Variants in CEP128 observed in about 807,000 individuals in gnomAD.
CEP128 encodes the protein centrosomal protein 128.
A neutral mutation model predicts 156.7 loss-of-function variants in CEP128; 132 were observed. The ratio of observed to expected loss-of-function variants is 0.84; its 90% confidence interval spans 0.73 to 0.97. The LOEUF (loss-of-function observed/expected upper bound fraction) is 0.97. Ranked by LOEUF, CEP128 falls within the 50% of genes least tolerant of loss-of-function variation. The probability of loss-of-function intolerance (pLI) is 0.00; values close to 1 mark genes in which losing one functional copy is unlikely to be tolerated. For missense variants in CEP128, 1,252 were observed against 1,281.9 expected, an observed-to-expected ratio of 0.98 and a Z score of 0.36; for synonymous variants, 469 against 448.9, an observed-to-expected ratio of 1.04 and a Z score of -0.57.
At chr14:80,645,490 G>T (rs1894595366) in intron 19 of CEP128, among the ~76,000 whole-genome samples, 1 of 152,024 alleles carries the variant, frequency 6.6e-6, no homozygotes, top group Admixed American at 6.6e-5. Flanking sequence ...AATGTGTTAT[G>T]ACAATATTAT....
In CEP128 at chr14:80,649,162, G is replaced by A. The variant is rs546488601; in HGVS notation, c.2807-68739C>T. On this transcript the variant is annotated intron_variant, in intron 19 of 24. Coordinates refer to ENST00000555265, the MANE Select transcript of CEP128 (RefSeq NM_152446.5). ...AGTTGTTTACTGAACATGAACAGGA[G>A]TGGGGAGAAGAAAATGTGGTGCGCT... Among the ~76,000 whole-genome samples the A allele has an allele frequency of 1.1e-3, 174 of 152,200 alleles. 1 individual carries two copies. The highest frequency in any genetic ancestry group is 4.1e-3 in the African/African-American group (171 of 41,544).
chr14:80,738,270 G>A (rs921380166), intron 19 of CEP128, among the ~76,000 whole-genome samples: 7 of 152,066 alleles, frequency 4.6e-5, no homozygotes, highest in Non-Finnish European at 1.0e-4. Flanking sequence ...CGTTATTTCT[G>A]TCCCACAAAT....
chr14:80,856,031 T>TC (rs778877284), intron 9 of CEP128, among the ~76,000 whole-genome samples: 23 of 152,132 alleles, frequency 1.5e-4, no homozygotes, highest in Non-Finnish European at 3.2e-4. Context: ...ATTAGGTTTT[T>TC]CCAAAAAAAT....
intron 19 of CEP128, among the ~76,000 whole-genome samples, chr14:80,600,460 C>A (rs547836542): frequency 6.6e-6 from 1 of 151,954 alleles, no homozygotes; most frequent in Admixed American, 6.6e-5. Context: ...ATTACATATT[C>A]GAAGGGATAA....
At chr14:80,573,562 A>T (rs1242559737) in intron 20 of CEP128, among the ~76,000 whole-genome samples, 1 of 151,936 alleles carries the variant, frequency 6.6e-6, no homozygotes, top group Non-Finnish European at 1.5e-5. Flanking sequence ...TAAATTTGGG[A>T]TTAATATTAA....
chr14:80,602,541 G>A (rs1047085454), intron 19 of CEP128, among the ~76,000 whole-genome samples: 3 of 152,296 alleles, frequency 2.0e-5, no homozygotes, highest in Admixed American at 6.5e-5. Flanking sequence ...GGAGGCCAAG[G>A]TAGGTGGATC....
chr14:80,801,834 G>A (rs1883875577), intron 13 of CEP128, among the ~76,000 whole-genome samples: 1 of 149,556 alleles, frequency 6.7e-6, no homozygotes, highest in African/African-American at 2.5e-5. Flanking sequence ...CTTGAACCCA[G>A]GAGGCGGAGG....
intron 20 of CEP128, among the ~76,000 whole-genome samples, chr14:80,579,405 G>A (rs17610106): frequency 0.018 from 2,709 of 151,616 alleles, 29 homozygotes; most frequent in Non-Finnish European, 0.025. Context: ...AAGCTAACAT[G>A]TACCACTTTT....
intron 23 of CEP128, among the ~76,000 whole-genome samples, chr14:80,514,832 C>T (rs140471028): frequency 6.6e-6 from 1 of 152,210 alleles, no homozygotes; most frequent in Non-Finnish European, 1.5e-5. Context: ...GTAGTCTCGG[C>T]AGTCTAGGTT....
chr14:80,835,665 G>A (rs1016941369), intron 12 of CEP128, among the ~76,000 whole-genome samples: 2 of 152,000 alleles, frequency 1.3e-5, no homozygotes, highest in Non-Finnish European at 2.9e-5. Flanking sequence ...CCACTGAGAA[G>A]GTATCCTAAT....
intron 19 of CEP128, among the ~76,000 whole-genome samples, chr14:80,611,095 C>G (rs1892977617): frequency 6.6e-6 from 1 of 151,828 alleles, no homozygotes; most frequent in Admixed American, 6.6e-5. Flanking sequence ...TTCAGTAAAT[C>G]TTTTAAAGTA....
intron 19 of CEP128, among the ~76,000 whole-genome samples, chr14:80,680,512 AT>A (rs919148176): frequency 7.2e-5 from 11 of 152,254 alleles, no homozygotes; most frequent in African/African-American, 2.6e-4. Flanking sequence ...ATTGTAGTAT[AT>A]GAAGACCCTC....
intron 19 of CEP128, among the ~76,000 whole-genome samples, chr14:80,639,170 T>C (rs1894310293): frequency 6.6e-6 from 1 of 152,210 alleles, no homozygotes; most frequent in African/African-American, 2.4e-5. Flanking sequence ...CAAATGAGAT[T>C]CAAATTCATT....
At chr14:80,793,685 T>C (rs1022281778) in intron 13 of CEP128, among the ~76,000 whole-genome samples, 1 of 152,216 alleles carries the variant, frequency 6.6e-6, no homozygotes, top group African/African-American at 2.4e-5. Flanking sequence ...CTCAAGCTGA[T>C]ATGAATCACT....
At chr14:80,487,713 C>T (rs1425078625), downstream of CEP128, among the ~76,000 whole-genome samples, 4 of 152,030 alleles carry the variant, frequency 2.6e-5, no homozygotes, top group East Asian at 1.9e-4. Flanking sequence ...GAACTCAGGA[C>T]TAAGAAACTC....
chr14:80,771,213 G>A (rs905839329), intron 16 of CEP128, among the ~76,000 whole-genome samples: 7 of 152,112 alleles, frequency 4.6e-5, no homozygotes, highest in African/African-American at 1.7e-4. Context: ...AGAGTATATG[G>A]TAATTTGTTG....
At chr14:80,956,018 A>C in intron 2 of CEP128, 4 of 777,928 alleles carry the variant, frequency 5.1e-6, no homozygotes, top group Non-Finnish European at 8.5e-6. Flanking sequence ...TAAAAACTTA[A>C]TCGCCCACAC....
chr14:80,519,681 T>C (rs2140242862), intron 23 of CEP128, among the ~76,000 whole-genome samples: 1 of 152,344 alleles, frequency 6.6e-6, no homozygotes, highest in East Asian at 1.9e-4. Flanking sequence ...TTACTTAAAG[T>C]CTGCCCTCCA....
At chr14:80,839,718 T>C (rs1335033038) in intron 10 of CEP128, among the ~76,000 whole-genome samples, 1 of 152,170 alleles carries the variant, frequency 6.6e-6, no homozygotes, top group East Asian at 1.9e-4. Context: ...TTTCAAAATA[T>C]ATCTTTAAAT....
Sources: allele counts gnomAD v4.1 joint callset (sites outside exome capture counted in the v4.1 genomes callset), GRCh38; gene constraint gnomAD v4.1.1; transcripts MANE v1.5; gene names NCBI Gene and HGNC (gene_info 2026-07-23, HGNC 2026-07-21).